The following SPATA1 variants were observed in gnomAD, a reference collection of about 807,000 sequenced individuals.
SPATA1 encodes spermatogenesis associated 1, also known as spermatogenesis-associated protein 1.
In SPATA1, 57 loss-of-function variants were observed where a neutral mutation model predicts 59.6. The ratio of observed to expected loss-of-function variants is 0.96; its 90% CI spans 0.77 to 1.19. The LOEUF is 1.19. Among genes scored for constraint, SPATA1 ranks in the 50% most tolerant of loss-of-function variants. SPATA1 has a pLI of 0.00. For missense variants in SPATA1, 448 were observed against 480.7 expected (o/e 0.93, Z 0.64); for synonymous variants, 147 against 163.9 (o/e 0.90, Z 0.79).
intron 2 of SPATA1, among the ~76,000 whole-genome samples, chr1:84,518,820 A>G (rs1465079125): frequency 2.0e-5 from 3 of 151,994 alleles, no homozygotes; most frequent in Admixed American, 2.0e-4. Flanking sequence ...TACCCTGACT[A>G]TTTAAAACTG....
At chr1:84,541,521 G>A (rs576947460) in intron 8 of SPATA1, among the ~76,000 whole-genome samples, 29 of 152,018 alleles carry the variant, frequency 1.9e-4, no homozygotes, top group Non-Finnish European at 3.5e-4. Flanking sequence ...ATTCATTTCT[G>A]AGAGAATTTC....
At chr1:84,548,848 G>C in exon 11 of SPATA1, 6 of 1,543,366 alleles carry the variant, frequency 3.9e-6, no homozygotes, top group Non-Finnish European at 5.2e-6. Context: ...AATGGAGGAG[G>C]TTTTAACAAA....
intron 4 of SPATA1, chr1:84,563,713 T>C: frequency 7.2e-7 from 1 of 1,386,362 alleles, no homozygotes; most frequent in Non-Finnish European, 9.9e-7. Context: ...ATAAAAATTA[T>C]GTAACAAATG....
intron 8 of SPATA1, among the ~76,000 whole-genome samples, chr1:84,536,186 G>A (rs1451427309): frequency 6.6e-6 from 1 of 152,182 alleles, no homozygotes; most frequent in Non-Finnish European, 1.5e-5. Flanking sequence ...TTCAGAGCAG[G>A]AATGAAAGAA....
At chr1:84,511,843 G>A (rs577895426) in intron 1 of SPATA1, among the ~76,000 whole-genome samples, 7 of 151,858 alleles carry the variant, frequency 4.6e-5, no homozygotes, top group East Asian at 1.9e-4. Flanking sequence ...CACCATGCCC[G>A]GCCAATTTTG....
At chr1:84,549,077 T>C (rs1684191149) in intron 11 of SPATA1, 113 bp downstream of exon 11, 11 of 1,054,358 alleles carry the variant, frequency 1.0e-5, no homozygotes, top group Non-Finnish European at 1.3e-5. Context: ...TAAACTTGCT[T>C]AAAACAATAA....
intron 7 of SPATA1, 115 bp downstream of exon 7, chr1:84,533,089 G>A (rs182601232): frequency 1.0e-4 from 65 of 643,434 alleles, no homozygotes; most frequent in Non-Finnish European, 2.3e-5. Flanking sequence ...TGAAATTAGT[G>A]ATATTTTAAT....
chr1:84,515,809 T>C (rs1682772323), intron 1 of SPATA1, among the ~76,000 whole-genome samples: 1 of 152,142 alleles, frequency 6.6e-6, no homozygotes, highest in Non-Finnish European at 1.5e-5. Flanking sequence ...ATGTATATGA[T>C]ATAACAGTTT....
chr1:84,510,799 G>A (rs138489655), intron 1 of SPATA1, among the ~76,000 whole-genome samples: 16 of 152,156 alleles, frequency 1.1e-4, no homozygotes, highest in African/African-American at 3.4e-4. Flanking sequence ...AAGAAAATGT[G>A]GTACAAATAA....
chr1:84,530,081 C>T (rs1000019693), intron 6 of SPATA1, among the ~76,000 whole-genome samples: 3 of 151,712 alleles, frequency 2.0e-5, no homozygotes, highest in Admixed American at 6.6e-5. Context: ...CAGTCTCAAA[C>T]TCCTGAGCTC....
chr1:84,511,890 C>G (rs1682580780), intron 1 of SPATA1, among the ~76,000 whole-genome samples: 1 of 151,986 alleles, frequency 6.6e-6, no homozygotes, highest in Non-Finnish European at 1.5e-5. Context: ...CATAGTTGGT[C>G]AGGCTGGTCT....
At chr1:84,554,320 G>A (rs1468700576) in exon 13 of SPATA1, 1 of 152,018 alleles carries the variant, frequency 6.6e-6, no homozygotes, top group Non-Finnish European at 1.5e-5. Flanking sequence ...TAATGTAGTT[G>A]GAAAATATTA....
At chr1:84,560,098 AAAGAAAGAAAGAAAG>A (rs1165390788) in intron 4 of SPATA1, among the ~76,000 whole-genome samples, 355 of 34,110 alleles carry the variant, frequency 0.01, 2 homozygotes, top group African/African-American at 0.034. Flanking sequence ...AAAAAAAAAA[AAAGAAAGAAAGAAAG>A]AAAGAAAGAA....
chr1:84,520,716 A>G, intron 3 of SPATA1, 25 bp downstream of exon 3: 1 of 1,369,782 alleles, frequency 7.3e-7, no homozygotes, highest in Non-Finnish European at 1.0e-6. Context: ...GTCATGTAAC[A>G]ATATGCCTGA....
At position 84,516,296 on chromosome 1, in the gene SPATA1, G is replaced by A; in HGVS notation, c.-64G>A. On this transcript the variant is annotated 5_prime_UTR_variant, in exon 2 of 13. An upstream start codon of the reference 5' UTR is lost. Transcript: ENST00000490879. ...AATTTTTATTTAGTACTACTTAAAT[G>A]AAGAAAGATAAAAAAAGAAACAAAA... The A allele has an allele frequency of 7.1e-7, 1 of 1,409,766 alleles. No individual in the cohort carries two copies. Among genetic ancestry groups the A allele is most frequent in the Non-Finnish European group, 9.4e-7 (1 of 1,059,680 alleles). 87.3% of individuals were successfully genotyped at this position (1,409,766 alleles called of 1,614,324 possible).
chr1:84,533,058 A>C, intron 7 of SPATA1, 84 bp downstream of exon 7: 1 of 870,544 alleles, frequency 1.1e-6, no homozygotes, highest in East Asian at 2.7e-5. Flanking sequence ...TGTTATAAAG[A>C]CTTCTACTTA....
At chr1:84,557,300 A>G (rs919761768), downstream of SPATA1, among the ~76,000 whole-genome samples, 2 of 152,194 alleles carry the variant, frequency 1.3e-5, no homozygotes, top group African/African-American at 4.8e-5. Context: ...TGGGAGGCCA[A>G]GATGGGTGAA....
At chr1:84,549,434 G>T (rs1684201825) in intron 11 of SPATA1, among the ~76,000 whole-genome samples, 1 of 152,042 alleles carries the variant, frequency 6.6e-6, no homozygotes, top group African/African-American at 2.4e-5. Context: ...CCTGGGACAG[G>T]GTCCATTTCC....
intron 4 of SPATA1, among the ~76,000 whole-genome samples, chr1:84,559,771 T>C (rs1684551962): frequency 6.6e-6 from 1 of 152,168 alleles, no homozygotes; most frequent in Non-Finnish European, 1.5e-5. Context: ...ACCAAAATGT[T>C]TCCTGAATTC....
Sources: gnomAD v4.1 joint callset for allele counts (sites outside exome capture counted in the v4.1 genomes callset) on GRCh38, gnomAD v4.1.1 for gene constraint, MANE v1.5 for transcripts, NCBI Gene and HGNC (gene_info 2026-07-23, HGNC 2026-07-21) for gene names.